The following LRRC1 variants were observed in gnomAD, a reference collection of about 807,000 sequenced individuals.
LRRC1 encodes the protein leucine-rich repeat-containing protein 1.
LRRC1 carries 28 observed loss-of-function variants against 69.9 expected under a neutral mutation model. The observed-to-expected ratio is 0.40, with a 90% confidence interval of 0.30 to 0.55. The LOEUF (loss-of-function observed/expected upper bound fraction) is 0.55, where lower values mean the gene tolerates loss of function less well. Among genes scored for constraint, LRRC1 ranks in the 20% least tolerant of loss-of-function variants. The probability of loss-of-function intolerance (pLI) is 0.47; values close to 1 mark genes in which losing one functional copy is unlikely to be tolerated. For missense variants in LRRC1, 498 were observed against 609.0 expected, an observed-to-expected ratio of 0.82 and a Z score of 1.92; for synonymous variants, 236 against 240.2, an observed-to-expected ratio of 0.98 and a Z score of 0.16.
intron 2 of LRRC1, among the ~76,000 whole-genome samples, chr6:53,849,733 A>C (rs535054445): frequency 2.1e-3 from 323 of 152,352 alleles, no homozygotes; most frequent in African/African-American, 7.4e-3. Flanking sequence ...TATGATTCTT[A>C]AATTAGCTTT....
intron 12 of LRRC1, among the ~76,000 whole-genome samples, chr6:53,919,941 C>T (rs1370306145): frequency 2.0e-5 from 3 of 152,168 alleles, no homozygotes; most frequent in African/African-American, 7.2e-5. Context: ...TACAATACTT[C>T]TAGAAGTGGT....
At position 53,896,525 on chromosome 6, in the gene LRRC1, G is replaced by A. The variant is rs1767879056; in HGVS notation, c.474G>A (p.Leu158=). 6.2e-7 allele frequency: 1 copy of A among 1,613,084 alleles called. No homozygotes were observed. Among genetic ancestry groups the A allele is most frequent in the Admixed American group, 1.7e-5 (1 of 59,988 alleles). Residue 158 remains leucine (L), a synonymous_variant, in exon 5 of 14, where the codon CTG becomes CTA. Transcript: ENST00000370888. ...TTTATAACCTGGCTTCACTGGAACT[G>A]AGAGAGAATCTTCTTACATATCTTC... ...GNLYNLASLE[L]RENLLTYLPD...
chr6:53,923,003 T>G lies in LRRC1; in HGVS notation c.*210T>G. On this transcript the variant is annotated 3_prime_UTR_variant, in exon 14 of 14. Coordinates refer to ENST00000370888, the MANE Select transcript of LRRC1 (RefSeq NM_018214.5). ...AGTGGTCTCCCGGTGTGATTTTTTT[T>G]TTTTTTAATTTCAGTTGTTTGTAAT... The G allele has an allele frequency of 2.2e-6, 1 of 460,564 alleles. No individual in the cohort carries two copies. The highest frequency in any genetic ancestry group is 3.9e-6 in the Non-Finnish European group (1 of 259,346). The allele number at this position is 460,564 out of a possible 1,614,324, so 28.5% of individuals were successfully genotyped here.
chr6:53,834,580 A>G (rs975175692), intron 1 of LRRC1, among the ~76,000 whole-genome samples: 32 of 152,196 alleles, frequency 2.1e-4, no homozygotes, highest in Non-Finnish European at 3.7e-4. Context: ...CCTAAAGAAT[A>G]TTATTAACTG....
chr6:53,915,959 G>A lies in LRRC1; in HGVS notation c.1106+1990G>A, dbSNP rs114617063. On this transcript the variant is annotated intron_variant, in intron 11 of 13. Transcript: ENST00000370888. ...ATCATTAAATACAATAGAAGCTTCCGCCTCTTCTTTCAAGTATATGAAAAT... is the reference window on the plus strand; with the variant it reads ...ATCATTAAATACAATAGAAGCTTCCACCTCTTCTTTCAAGTATATGAAAAT... 5.3e-5 allele frequency among the ~76,000 whole-genome samples: 8 copies of A among 152,150 alleles called. No homozygotes were observed. In the East Asian group the frequency reaches 5.8e-4, roughly 11 times the overall value.
chr6:53,922,105 T>G (rs1000582512), intron 13 of LRRC1, among the ~76,000 whole-genome samples: 1 of 152,212 alleles, frequency 6.6e-6, no homozygotes, highest in African/African-American at 2.4e-5. Context: ...CTTTCATCAG[T>G]AGGTCATAGA....
chr6:53,917,918 T>G (rs1164692982), intron 11 of LRRC1, among the ~76,000 whole-genome samples: 1 of 152,258 alleles, frequency 6.6e-6, no homozygotes, highest in African/African-American at 2.4e-5. Context: ...CATTTGAGTT[T>G]ACATGTATGC....
intron 1 of LRRC1, among the ~76,000 whole-genome samples, chr6:53,829,956 CAG>C (rs1765381012): frequency 6.6e-6 from 1 of 152,182 alleles, no homozygotes; most frequent in South Asian, 2.1e-4. Context: ...GTTTCTGACT[CAG>C]AGAACTCTTG....
At chr6:53,818,825 CTCATTTCATT>C (rs969063783) in intron 1 of LRRC1, among the ~76,000 whole-genome samples, 13 of 152,176 alleles carry the variant, frequency 8.5e-5, no homozygotes, top group Non-Finnish European at 7.3e-5. Context: ...GATACTTAAC[CTCATTTCATT>C]TCATTTCATA....
At position 53,871,916 on chromosome 6, in the gene LRRC1, C is replaced by T. The variant is rs1437575789; in HGVS notation, c.278-7077C>T. Among the ~76,000 whole-genome samples, 3 of 152,292 alleles carry T rather than the reference C, an allele frequency of 2.0e-5. No homozygotes were observed. In the South Asian group the frequency reaches 6.2e-4, roughly 32 times the overall value. ...CTCCTGAACTCAGGTGATCGGCCCG[C>T]CTTGGCTTCCCAAAGTGCTGGGATT... On this transcript the variant is annotated intron_variant, in intron 2 of 13. Coordinates refer to ENST00000370888, the MANE Select transcript of LRRC1 (RefSeq NM_018214.5).
At chr6:53,881,205 T>C (rs181365000) in intron 3 of LRRC1, among the ~76,000 whole-genome samples, 64 of 152,362 alleles carry the variant, frequency 4.2e-4, no homozygotes, top group Non-Finnish European at 8.4e-4. Context: ...AATGATTTAG[T>C]TTGGCTTGCT....
intron 1 of LRRC1, among the ~76,000 whole-genome samples, chr6:53,828,209 C>T (rs1365863896): frequency 6.7e-6 from 1 of 149,150 alleles, no homozygotes; most frequent in Non-Finnish European, 1.5e-5. Flanking sequence ...TTTGTCTTAT[C>T]AGCTTTCCTT....
chr6:53,883,025 T>C (rs908494674), intron 4 of LRRC1, 49 bp downstream of exon 4: 15 of 1,144,916 alleles, frequency 1.3e-5, no homozygotes, highest in Non-Finnish European at 2.0e-5. Flanking sequence ...AGGGGGTTTA[T>C]ATCATCAGCT....
At chr6:53,852,765 G>A (rs993248904) in intron 2 of LRRC1, among the ~76,000 whole-genome samples, 26 of 152,150 alleles carry the variant, frequency 1.7e-4, no homozygotes, top group African/African-American at 6.3e-4. Flanking sequence ...ACTGGAAAAA[G>A]TGATCCTAAG....
intron 2 of LRRC1, among the ~76,000 whole-genome samples, chr6:53,878,496 A>G (rs1219545155): frequency 6.6e-6 from 1 of 152,218 alleles, no homozygotes; most frequent in Admixed American, 6.5e-5. Flanking sequence ...CATAAGGAGC[A>G]CACAACCTAG....
chr6:53,886,649 C>T (rs1279421451), intron 4 of LRRC1, among the ~76,000 whole-genome samples: 8 of 152,070 alleles, frequency 5.3e-5, no homozygotes. Flanking sequence ...CATTTTCCAT[C>T]CCGCTTATTC....
intron 3 of LRRC1, among the ~76,000 whole-genome samples, chr6:53,881,780 T>C (rs1342560073): frequency 3.9e-5 from 6 of 152,216 alleles, no homozygotes; most frequent in Non-Finnish European, 2.9e-5. Context: ...TCTGTTGTCT[T>C]TATTAGCAGA....
chr6:53,849,159 A>G (rs1766046102), intron 2 of LRRC1, among the ~76,000 whole-genome samples: 1 of 149,294 alleles, frequency 6.7e-6, no homozygotes, highest in African/African-American at 2.5e-5. Context: ...CAAGTTCTTC[A>G]TTCAGTTACA....
At chr6:53,807,466 C>T (rs919857436) in intron 1 of LRRC1, among the ~76,000 whole-genome samples, 1 of 152,208 alleles carries the variant, frequency 6.6e-6, no homozygotes, top group African/African-American at 2.4e-5. Flanking sequence ...AACAGAGAAG[C>T]CAGGCGCAGT....
Sources: allele counts gnomAD v4.1 joint callset (sites outside exome capture counted in the v4.1 genomes callset), GRCh38; gene constraint gnomAD v4.1.1; transcripts MANE v1.5; gene names NCBI Gene and HGNC (gene_info 2026-07-23, HGNC 2026-07-21).